Variants in TPTE2 observed in about 807,000 individuals in gnomAD.
TPTE2 encodes the protein transmembrane phosphoinositide 3-phosphatase and tensin homolog 2.
Under a neutral mutation model 78.6 loss-of-function variants are expected in TPTE2, and 53 were observed. That is an observed-to-expected ratio of 0.67 (90% CI 0.54 to 0.85). The LOEUF is 0.85. Ranked by LOEUF, TPTE2 falls within the 40% of genes least tolerant of loss-of-function variation. The pLI, the probability that TPTE2 is intolerant of heterozygous loss-of-function variation, is 0.00. For synonymous variants in TPTE2, 175 were observed against 206.2 expected, an observed-to-expected ratio of 0.85 and a Z score of 1.30; for missense variants, 461 against 623.0, an observed-to-expected ratio of 0.74 and a Z score of 2.77.
intron 13 of TPTE2, among the ~76,000 whole-genome samples, chr13:19,439,648 C>A (rs570290050): frequency 1.6e-4 from 25 of 152,170 alleles, no homozygotes; most frequent in Non-Finnish European, 2.9e-4. Context: ...ATAAACAATT[C>A]AAAGCTTGGG....
upstream of TPTE2, among the ~76,000 whole-genome samples, chr13:19,506,189 T>TTTTTTTTTTTTTC (rs869210838): frequency 7.8e-6 from 1 of 127,890 alleles, no homozygotes; most frequent in Non-Finnish European, 1.7e-5. Context: ...TTTTTTTTTT[T>TTTTTTTTTTTTTC]GAGACGGAGT....
chr13:19,554,718 T>A, the TPTE2 span, among the ~76,000 whole-genome samples: 264 of 152,342 alleles, frequency 1.7e-3, no homozygotes, highest in African/African-American at 6.1e-3. Context: ...CACTAAAGCA[T>A]ATCAACAAAT....
chr13:19,497,458 C>A lies in TPTE2; in HGVS notation c.12-3957G>T, dbSNP rs12876551. On this transcript the variant is annotated intron_variant, in intron 1 of 19. Coordinates refer to ENST00000400230, the Ensembl canonical transcript of TPTE2. ...CAGCACGCAGCTGGAGATCTGAGAA[C>A]GGGCAGACTGCCTCCTCAAGTGGGT... is the stretch of plus-strand genomic sequence containing the variant. 8.0e-3 allele frequency among the ~76,000 whole-genome samples: 883 copies of A among 109,898 alleles called. 16 individuals carry two copies. Among genetic ancestry groups the A allele is most frequent in the African/African-American group, 0.025 (822 of 33,226 alleles). The allele number at this position is 109,898 out of a possible 152,430, so 72.1% of individuals were successfully genotyped here.
intron 1 of TPTE2, among the ~76,000 whole-genome samples, chr13:19,536,181 T>C (rs1871202669): frequency 6.6e-6 from 1 of 152,128 alleles, no homozygotes. Flanking sequence ...AGGAATTATC[T>C]TGGAATCTGA....
intron 16 of TPTE2, 24 bp from the exon 20 acceptor site, chr13:19,430,571 A>G (rs973113084): frequency 7.0e-6 from 11 of 1,575,042 alleles, no homozygotes; most frequent in Non-Finnish European, 8.7e-6. Context: ...ATGAAATTAA[A>G]AAGTTAGGTT....
intron 17 of TPTE2, 34 bp from the exon 21 acceptor site, chr13:19,426,551 A>G (rs1876097796): frequency 7.8e-7 from 1 of 1,290,192 alleles, no homozygotes; most frequent in African/African-American, 1.5e-5. Context: ...AGAACTACAA[A>G]CCTAGATAAC....
Position 19,535,626 on chromosome 13 carries a change from A to G in TPTE2, c.-44+970T>C, listed in dbSNP as rs1433741135. Among the ~76,000 whole-genome samples the G allele has an allele frequency of 2.1e-5, 3 of 142,296 alleles. No individual in the cohort carries two copies. The highest frequency in any genetic ancestry group is 7.8e-5 in the African/African-American group (3 of 38,574). 93.4% of individuals were successfully genotyped at this position (142,296 alleles called of 152,430 possible). A position where few individuals can be genotyped will look rare whatever the true frequency, so the allele number is the denominator to read the frequency against. On this transcript the variant is annotated intron_variant, in intron 1 of 17. Coordinates refer to the TPTE2 transcript ENST00000390680. This position sits in a 1 kb window ranked among gnomAD's most constrained non-coding sequence, Gnocchi z 5.1. ...CCAGGATTTTCTTATTTATTTATTTATTTATTTATTTATTTATTTATTTTG... is the reference window on the plus strand; with the variant it reads ...CCAGGATTTTCTTATTTATTTATTTGTTTATTTATTTATTTATTTATTTTG...
upstream of TPTE2, among the ~76,000 whole-genome samples, chr13:19,507,376 C>T (rs1869143059): frequency 6.6e-6 from 1 of 150,742 alleles, no homozygotes. Flanking sequence ...CTGCCTGTCT[C>T]CATAGACAAC....
At chr13:19,503,048 T>G (rs1384762490) in intron 1 of TPTE2, among the ~76,000 whole-genome samples, 176 bp downstream of exon 4, 1 of 152,220 alleles carries the variant, frequency 6.6e-6, no homozygotes, top group South Asian at 2.1e-4. Flanking sequence ...TCCGTCCATC[T>G]GTCTCCTTGT....
At chr13:19,495,086 C>A (rs534246193) in intron 1 of TPTE2, among the ~76,000 whole-genome samples, 4 of 152,300 alleles carry the variant, frequency 2.6e-5, no homozygotes, top group Admixed American at 1.3e-4. Flanking sequence ...AATTTACTTT[C>A]TAAGTCCCGC....
At chr13:19,503,370 C>G (rs1868750974), upstream of TPTE2, 8 of 1,353,068 alleles carry the variant, frequency 5.9e-6, no homozygotes, top group South Asian at 9.9e-5. Context: ...TGCACATAAA[C>G]CAGTTAAGTT....
At chr13:19,526,926 G>A (rs540058289) in intron 1 of TPTE2, among the ~76,000 whole-genome samples, 35 of 152,178 alleles carry the variant, frequency 2.3e-4, no homozygotes, top group South Asian at 2.1e-3. Flanking sequence ...AGGATTTTAC[G>A]TGAAATTATT....
chr13:19,529,168 C>T (rs1246241590), intron 1 of TPTE2, among the ~76,000 whole-genome samples: 2 of 152,030 alleles, frequency 1.3e-5, no homozygotes, highest in African/African-American at 4.8e-5. Context: ...TCTTGTAACC[C>T]AAGGCAACTG....
At chr13:19,460,976 C>CA (rs1878853024) in intron 10 of TPTE2, among the ~76,000 whole-genome samples, 1 of 152,154 alleles carries the variant, frequency 6.6e-6, no homozygotes, top group Non-Finnish European at 1.5e-5. Context: ...GGTAGACTAT[C>CA]AAAAACTGCC....
upstream of TPTE2, among the ~76,000 whole-genome samples, chr13:19,503,950 C>A (rs1053535350): frequency 6.6e-6 from 1 of 151,780 alleles, no homozygotes; most frequent in African/African-American, 2.4e-5. Flanking sequence ...CCGTGTTAGC[C>A]AGGATGGGCT....
intron 4 of TPTE2, among the ~76,000 whole-genome samples, chr13:19,477,259 G>A (rs1880018415): frequency 6.6e-6 from 1 of 151,200 alleles, no homozygotes; most frequent in Non-Finnish European, 1.5e-5. Context: ...AACTATTTGA[G>A]TACTGAGTTT....
upstream of TPTE2, among the ~76,000 whole-genome samples, chr13:19,537,333 A>G (rs1871269382): frequency 6.6e-6 from 1 of 150,732 alleles, no homozygotes; most frequent in Admixed American, 6.6e-5. Flanking sequence ...TGCCAGGTTC[A>G]AGCTATTCTC....
chr13:19,493,627 T>C, intron 1 of TPTE2, 126 bp from the exon 5 acceptor site: 1 of 840,652 alleles, frequency 1.2e-6, no homozygotes. Flanking sequence ...TATACAGCAC[T>C]ATTGGAACCT....
At chr13:19,475,934 T>C (rs1323584826) in intron 4 of TPTE2, among the ~76,000 whole-genome samples, 2 of 152,134 alleles carry the variant, frequency 1.3e-5, no homozygotes, top group Admixed American at 1.3e-4. Flanking sequence ...GAGTATAGCA[T>C]GAAGACAGAA....
Sources: allele counts gnomAD v4.1 joint callset (sites outside exome capture counted in the v4.1 genomes callset), GRCh38; gene constraint gnomAD v4.1.1; non-coding constraint Gnocchi (gnomAD v3.1); transcripts MANE v1.5; gene names NCBI Gene and HGNC (gene_info 2026-07-23, HGNC 2026-07-21).